Variants in SIRT2 observed in about 807,000 individuals in gnomAD.
SIRT2 encodes the protein sirtuin 2, also known as NAD-dependent protein deacetylase sirtuin-2.
In SIRT2, 40 loss-of-function variants were observed where a neutral mutation model predicts 57.4. The observed-to-expected ratio is 0.70, with a 90% CI of 0.54 to 0.91. The LOEUF (loss-of-function observed/expected upper bound fraction) is 0.91, where lower values mean the gene tolerates loss of function less well. Ranked by LOEUF, SIRT2 falls within the 40% of genes least tolerant of loss-of-function variation. The pLI, the probability that SIRT2 is intolerant of heterozygous loss-of-function variation, is 0.00. For missense variants in SIRT2, 439 were observed against 510.4 expected (o/e 0.86, Z 1.35); for synonymous variants, 161 against 195.7 (o/e 0.82, Z 1.48).
intron 2 of SIRT2, among the ~76,000 whole-genome samples, chr19:38,896,416 C>T (rs537724737): frequency 6.6e-6 from 1 of 152,286 alleles, no homozygotes; most frequent in Admixed American, 6.5e-5. Context: ...CGGCATCTTG[C>T]TATGTTGCCC....
Position 38,879,097 on chromosome 19 carries a change from C to T in SIRT2, c.*58G>A. 1 of 1,501,676 alleles carries T rather than the reference C, an allele frequency of 6.7e-7. No individual in the cohort carries two copies. The highest frequency in any genetic ancestry group is 8.9e-7 in the Non-Finnish European group (1 of 1,127,524). 93.0% of individuals were successfully genotyped at this position (1,501,676 alleles called of 1,614,324 possible). On this transcript the variant is annotated 3_prime_UTR_variant, in exon 16 of 16. Coordinates refer to ENST00000249396, the MANE Select transcript of SIRT2 (RefSeq NM_012237.4). The stretch of plus-strand genomic sequence containing the variant: ...ACTGCTGGTTAAGAGGGGGCCAGGC[C>T]CGGTTGGGGCTCAGCTGTCCCTGAG...
Position 38,881,141 on chromosome 19 carries a change from CA to C in SIRT2, c.705del (p.Phe235LeufsTer18). The C allele has an allele frequency of 1.2e-6, 2 of 1,612,670 alleles. No homozygotes were observed. The highest frequency in any genetic ancestry group is 1.1e-5 in the South Asian group (1 of 90,734). ...AAGAAACGCGCTGGGAGGCTCTCAC[CA>C]AAAAAGACGATATCTGAGGTGGAGA... ...QSLVKPDIVFFGESLPARFFS... is the reference protein window; with the variant it reads ...QSLVKPDIVFXGESLPARFFS... On this transcript the variant is annotated frameshift_variant, in exon 11 of 16. Transcript: ENST00000249396. LOFTEE classifies it high-confidence loss of function.
intron 4 of SIRT2, chr19:38,890,756 A>G (rs1973509537): frequency 6.4e-6 from 1 of 155,640 alleles, no homozygotes; most frequent in African/African-American, 2.4e-5. Context: ...GGACTTGAGA[A>G]AAGGCCACTT....
chr19:38,898,423 A>G lies in SIRT2; in HGVS notation c.19T>C (p.Ser7Pro). MAEPDP[S>P]HPLETQAGKV... ...CCTGCCTGGGTCTCCAGAGGGTGAGAGGCTGGGGGAGGGGAGCAGAGGTGG... is the reference window on the plus strand; with the variant it reads ...CCTGCCTGGGTCTCCAGAGGGTGAGGGGCTGGGGGAGGGGAGCAGAGGTGG... The change falls in exon 2 of 16, where the codon TCT becomes CCT. Residue 7 changes from serine (S) to proline (P), a missense_variant and splice_region_variant. Transcript: ENST00000249396. The G allele has an allele frequency of 6.5e-7, 1 of 1,535,100 alleles. No homozygotes were observed. The highest frequency in any genetic ancestry group is 8.8e-7 in the Non-Finnish European group (1 of 1,131,268).
chr19:38,881,195 G>C, intron 10 of SIRT2, 40 bp from the exon 11 acceptor site: 1 of 1,595,452 alleles, frequency 6.3e-7, no homozygotes, highest in Non-Finnish European at 8.6e-7. Context: ...ACAGTGACAT[G>C]GGGAGGCAGA....
chr19:38,895,077 C>T (rs928401044), intron 2 of SIRT2, among the ~76,000 whole-genome samples: 9 of 150,960 alleles, frequency 6.0e-5, no homozygotes, highest in Non-Finnish European at 1.3e-4. Flanking sequence ...CCTCCCTCCT[C>T]GCCCTCCTGC....
chr19:38,893,103 G>A (rs1368139163), intron 4 of SIRT2, among the ~76,000 whole-genome samples: 1 of 152,068 alleles, frequency 6.6e-6, no homozygotes, highest in Non-Finnish European at 1.5e-5. Context: ...GGGAAAAGGT[G>A]CTCTCTCGGT....
rs371278999 is a variant in SIRT2 at position 38,879,137 on chromosome 19, G to A, written c.*18C>T. On this transcript the variant is annotated 3_prime_UTR_variant, in exon 16 of 16. Coordinates refer to ENST00000249396, the MANE Select transcript of SIRT2 (RefSeq NM_012237.4). ...CTGTCCCTGAGGAGCTCGGCATCCC[G>A]CCTGGGAGATGCAGCTGTCACTGGG... 14 of 1,552,822 alleles carry A rather than the reference G, an allele frequency of 9.0e-6. No individual in the cohort carries two copies. The highest frequency in any genetic ancestry group is 8.3e-5 in the African/African-American group (6 of 71,926).
At chr19:38,882,414 C>T (rs867739938) in intron 9 of SIRT2, among the ~76,000 whole-genome samples, 6 of 151,982 alleles carry the variant, frequency 3.9e-5, no homozygotes, top group African/African-American at 7.2e-5. Flanking sequence ...GCGAGTGGAT[C>T]GTTTGAGGTC....
intron 2 of SIRT2, chr19:38,894,708 G>A: frequency 2.3e-6 from 1 of 440,510 alleles, no homozygotes. Flanking sequence ...CAGACACTCT[G>A]CCCACCTCTC....
intron 15 of SIRT2, 40 bp from the exon 16 acceptor site, chr19:38,879,350 C>T (rs1240653339): frequency 6.2e-7 from 1 of 1,610,946 alleles, no homozygotes; most frequent in Non-Finnish European, 8.5e-7. Flanking sequence ...GGTCACTGTG[C>T]ATCATGGGGT....
Position 38,879,710 on chromosome 19 carries a change from G to A in SIRT2, c.877-8C>T, listed in dbSNP as rs1393786078. ...CCCCAGGAAAGGGTCCGACTGTCAG[G>A]GAGGGGGTGGGTCAGGGGCAGGAGC... On this transcript the variant is annotated splice_region_variant and splice_polypyrimidine_tract_variant and intron_variant, in intron 13 of 15. Coordinates refer to ENST00000249396, the MANE Select transcript of SIRT2 (RefSeq NM_012237.4). 6.4e-7 allele frequency: 1 copy of A among 1,560,846 alleles called. No individual in the cohort carries two copies.
intron 4 of SIRT2, among the ~76,000 whole-genome samples, chr19:38,891,098 C>G (rs1344188900): frequency 6.6e-6 from 1 of 152,274 alleles, no homozygotes. Flanking sequence ...TGACCCTACA[C>G]TGAGTCGTGA....
In SIRT2 at chr19:38,880,088, G is replaced by T. The variant is rs991806413; in HGVS notation, c.877-386C>A. On this transcript the variant is annotated intron_variant, in intron 13 of 15. Coordinates refer to ENST00000249396, the MANE Select transcript of SIRT2 (RefSeq NM_012237.4). The surrounding 1 kb of genome is among the most constrained non-coding windows in gnomAD (Gnocchi z 4.1). ...GATCCACCCGCCTCGGCCTCCCAAAGTGCTGGAATTACAGGCGTGAGCCAT... is the reference window on the plus strand; with the variant it reads ...GATCCACCCGCCTCGGCCTCCCAAATTGCTGGAATTACAGGCGTGAGCCAT... 3.9e-5 allele frequency: 8 copies of T among 206,656 alleles called. 1 individual carries two copies. The South Asian group carries it at 6.2e-4, about 16-fold the overall frequency. The allele number at this position is 206,656 out of a possible 1,614,324, so 12.8% of individuals were successfully genotyped here. A position where few individuals can be genotyped will look rare whatever the true frequency, so the allele number is the denominator to read the frequency against.
At chr19:38,882,865 G>A (rs1413497857) in intron 9 of SIRT2, among the ~76,000 whole-genome samples, 1 of 152,028 alleles carries the variant, frequency 6.6e-6, no homozygotes, top group African/African-American at 2.4e-5. Flanking sequence ...AATGTGAATT[G>A]TACACTGCCC....
intron 2 of SIRT2, among the ~76,000 whole-genome samples, chr19:38,896,072 A>G (rs1973706796): frequency 6.6e-6 from 1 of 150,394 alleles, no homozygotes; most frequent in East Asian, 1.9e-4. Flanking sequence ...CTCCGTCTCA[A>G]AAAAAAAGAG....
At chr19:38,884,469 G>A (rs1272628771) in intron 8 of SIRT2, among the ~76,000 whole-genome samples, 4 of 150,924 alleles carry the variant, frequency 2.7e-5, no homozygotes, top group African/African-American at 9.7e-5. Context: ...TGTTTTTTGA[G>A]ATGGAGTCTT....
At position 38,879,055 on chromosome 19, in the gene SIRT2, G is replaced by A. The variant is rs1041210321; in HGVS notation, c.*100C>T. The A allele has an allele frequency of 1.3e-5, 17 of 1,295,534 alleles. No individual in the cohort carries two copies. The highest frequency in any genetic ancestry group is 1.8e-5 in the Non-Finnish European group (17 of 955,572). 80.3% of individuals were successfully genotyped at this position (1,295,534 alleles called of 1,614,324 possible). The stretch of plus-strand genomic sequence containing the variant: ...GCTGTAAGAGATTGGGGGATGTTCT[G>A]AGCTCCCCAGACAAGAACTGCTGGT... On this transcript the variant is annotated 3_prime_UTR_variant, in exon 16 of 16. Transcript: ENST00000249396.
chr19:38,890,011 C>G (rs768087087), intron 5 of SIRT2, 50 bp from the exon 6 acceptor site: 4 of 1,610,548 alleles, frequency 2.5e-6, no homozygotes, highest in Non-Finnish European at 3.4e-6. Flanking sequence ...ACTAACCCTC[C>G]CAGGACAGGG....
Sources: gnomAD v4.1 joint callset for allele counts (sites outside exome capture counted in the v4.1 genomes callset) on GRCh38, gnomAD v4.1.1 for gene constraint, Gnocchi (gnomAD v3.1) non-coding constraint, MANE v1.5 for transcripts, NCBI Gene and HGNC (gene_info 2026-07-23, HGNC 2026-07-21) for gene names.